The following TENM2 variants were observed in gnomAD, a reference collection of about 807,000 sequenced individuals.
TENM2 encodes the protein teneurin-2.
TENM2 carries 52 observed loss-of-function variants against 245.2 expected under a neutral mutation model. That is an observed-to-expected ratio of 0.21 (90% CI 0.17 to 0.27). TENM2 has a LOEUF of 0.27. Among genes scored for constraint, TENM2 ranks in the 10% least tolerant of loss-of-function variants. TENM2 has a pLI of 1.00. For synonymous variants in TENM2, 1,363 were observed against 1,438.9 expected, an observed-to-expected ratio of 0.95 and a Z score of 1.19; for missense variants, 3,046 against 3,666.8, an observed-to-expected ratio of 0.83 and a Z score of 4.37.
intron 5 of TENM2, among the ~76,000 whole-genome samples, chr5:168,032,339 C>T (rs1189114634): frequency 3.9e-5 from 6 of 152,154 alleles, no homozygotes; most frequent in Non-Finnish European, 2.9e-5. Flanking sequence ...TGAGAGTTTG[C>T]CATATCTGGA....
intron 2 of TENM2, among the ~76,000 whole-genome samples, chr5:167,414,352 A>G (rs970946039): frequency 1.3e-5 from 2 of 152,184 alleles, no homozygotes; most frequent in Admixed American, 6.6e-5. Context: ...GTAAATACAT[A>G]TTTTATAAAA....
intron 2 of TENM2, among the ~76,000 whole-genome samples, chr5:167,579,519 C>G (rs1397915992): frequency 6.6e-6 from 1 of 152,146 alleles, no homozygotes; most frequent in Non-Finnish European, 1.5e-5. Flanking sequence ...ACCTTCTCAT[C>G]ATTGACTTCA....
chr5:167,950,793 C>G (rs1561971970), intron 3 of TENM2, among the ~76,000 whole-genome samples: 1 of 151,980 alleles, frequency 6.6e-6, no homozygotes, highest in Non-Finnish European at 1.5e-5. Context: ...GACAACAATG[C>G]CAGAAAATAT....
chr5:168,199,779 A>T, intron 16 of TENM2, 85 bp from the exon 19 acceptor site: 1 of 1,429,128 alleles, frequency 7.0e-7, no homozygotes, highest in East Asian at 2.3e-5. Flanking sequence ...TCAGTGAGGG[A>T]CATAGCAGAC....
At chr5:167,573,252 A>C in intron 2 of TENM2, among the ~76,000 whole-genome samples, 1 of 152,196 alleles carries the variant, frequency 6.6e-6, no homozygotes, top group South Asian at 2.1e-4. Flanking sequence ...ATGCGAAATA[A>C]ATTGCACATA....
At chr5:167,442,084 A>G (rs972754458) in intron 2 of TENM2, among the ~76,000 whole-genome samples, 3 of 152,122 alleles carry the variant, frequency 2.0e-5, no homozygotes, top group African/African-American at 4.8e-5. Context: ...TTGTTGAACT[A>G]TTTTCTCCAC....
chr5:168,141,939 A>C (rs888561284), intron 12 of TENM2, among the ~76,000 whole-genome samples: 4 of 152,342 alleles, frequency 2.6e-5, no homozygotes, highest in Middle Eastern at 3.4e-3. Context: ...TTGGAGCGCT[A>C]TACTGGAGCC....
At chr5:167,222,887 A>T in the TENM2 span, among the ~76,000 whole-genome samples, 1 of 152,208 alleles carries the variant, frequency 6.6e-6, no homozygotes, top group African/African-American at 2.4e-5. Flanking sequence ...CACACATAAA[A>T]TATAGCCATT....
chr5:167,957,510 T>C (rs1006587431), intron 4 of TENM2, among the ~76,000 whole-genome samples: 1 of 152,218 alleles, frequency 6.6e-6, no homozygotes, highest in African/African-American at 2.4e-5. Context: ...TCTTGTCTTC[T>C]GTTAGCTTTT....
chr5:167,822,681 G>A (rs1767628677), intron 2 of TENM2, among the ~76,000 whole-genome samples: 1 of 5,984 alleles, frequency 1.7e-4, no homozygotes, highest in South Asian at 0.083. Context: ...TTTTTCCAGG[G>A]GTCTTTTTTT....
intron 2 of TENM2, among the ~76,000 whole-genome samples, chr5:167,511,462 C>T (rs896551753): frequency 1.3e-5 from 2 of 152,198 alleles, no homozygotes; most frequent in East Asian, 3.9e-4. Context: ...ACCCTTAATG[C>T]TTGTTTGCTA....
intron 4 of TENM2, 23 bp downstream of exon 6, chr5:167,952,845 C>T (rs1406509886): frequency 6.5e-7 from 1 of 1,537,742 alleles, no homozygotes; most frequent in Non-Finnish European, 8.8e-7. Context: ...CGCCAGCTCA[C>T]AGTCACACTC....
intron 2 of TENM2, among the ~76,000 whole-genome samples, chr5:167,798,500 C>T (rs1416940380): frequency 6.6e-6 from 1 of 152,150 alleles, no homozygotes; most frequent in East Asian, 1.9e-4. Context: ...GGGAAGAAGG[C>T]TGGTGGGGCC....
chr5:167,671,664 A>T (rs1755951208), intron 2 of TENM2, among the ~76,000 whole-genome samples: 1 of 151,710 alleles, frequency 6.6e-6, no homozygotes, highest in African/African-American at 2.4e-5. Flanking sequence ...ATTTATCACC[A>T]TGTCATGTTA....
At chr5:168,017,724 A>G (rs1785783058) in intron 5 of TENM2, among the ~76,000 whole-genome samples, 1 of 152,220 alleles carries the variant, frequency 6.6e-6, no homozygotes, top group African/African-American at 2.4e-5. Flanking sequence ...CTTCCTGAGA[A>G]TAAAGGGGCT....
the TENM2 span, among the ~76,000 whole-genome samples, chr5:167,258,215 GTA>G: frequency 4.1e-5 from 5 of 122,880 alleles, no homozygotes; most frequent in East Asian, 5.6e-4. Flanking sequence ...ATATATATAT[GTA>G]TATATATATG....
chr5:167,689,300 C>T (rs550652128), intron 2 of TENM2, among the ~76,000 whole-genome samples: 3 of 152,282 alleles, frequency 2.0e-5, no homozygotes, highest in South Asian at 2.1e-4. Context: ...GCTGGGGGGT[C>T]CTGGAGCCCC....
intron 6 of TENM2, among the ~76,000 whole-genome samples, chr5:168,055,848 A>AGCT (rs1323226772): frequency 6.6e-6 from 1 of 152,230 alleles, no homozygotes; most frequent in Non-Finnish European, 1.5e-5. Context: ...AAAGGCACAC[A>AGCT]GCTGGTAGCT....
exon 14 of TENM2, chr5:168,190,483 A>G: frequency 6.2e-7 from 1 of 1,614,020 alleles, no homozygotes. Context: ...CTATGACCGT[A>G]TCAAGCTCTT....
Sources: allele counts gnomAD v4.1 joint callset (sites outside exome capture counted in the v4.1 genomes callset), GRCh38; gene constraint gnomAD v4.1.1; transcripts MANE v1.5; gene names NCBI Gene and HGNC (gene_info 2026-07-23, HGNC 2026-07-21).